Variants in ITGB3 observed in about 807,000 individuals in gnomAD.
ITGB3 encodes integrin subunit beta 3, also known as integrin beta-3.
Under a neutral mutation model 85.8 loss-of-function variants are expected in ITGB3, and 48 were observed. The observed-to-expected ratio is 0.56, with a 90% confidence interval of 0.44 to 0.71. The LOEUF is 0.71. Among genes scored for constraint, ITGB3 ranks in the 30% least tolerant of loss-of-function variants. The probability of loss-of-function intolerance (pLI) is 0.00; values close to 1 mark genes in which losing one functional copy is unlikely to be tolerated. For missense variants in ITGB3, 861 were observed against 1,019.1 expected, an observed-to-expected ratio of 0.84 and a Z score of 2.11; for synonymous variants, 363 against 395.6, an observed-to-expected ratio of 0.92 and a Z score of 0.98.
intron 6 of ITGB3, 60 bp downstream of exon 6, chr17:47,287,291 A>G: frequency 1.3e-6 from 2 of 1,588,900 alleles, no homozygotes; most frequent in Admixed American, 1.7e-5. Context: ...GCCCTAATCT[A>G]GGCAGAGTCT....
At chr17:47,270,912 T>C (rs1388315316) in intron 1 of ITGB3, among the ~76,000 whole-genome samples, 1 of 152,136 alleles carries the variant, frequency 6.6e-6, no homozygotes, top group African/African-American at 2.4e-5. Context: ...CATTTACATG[T>C]TTTATATTGG....
At position 47,287,068 on chromosome 17, in the gene ITGB3, A is replaced by G. The variant is rs749261962; in HGVS notation, c.778-2A>G. The G allele has an allele frequency of 1.2e-6, 2 of 1,613,732 alleles. No individual in the cohort carries two copies. Among genetic ancestry groups the G allele is most frequent in the East Asian group, 4.5e-5 (2 of 44,896 alleles). On this transcript the variant is annotated splice_acceptor_variant, in intron 5 of 14. Coordinates refer to ENST00000559488, the MANE Select transcript of ITGB3 (RefSeq NM_000212.3). LOFTEE classifies it high-confidence loss of function. Reference sequence around the variant, plus strand: ...CCTTTGTTTTTTGTTTTCTTTTAACAGGAAAAGATTGGCTGGAGGAATGAT... The same window carrying G: ...CCTTTGTTTTTTGTTTTCTTTTAACGGGAAAAGATTGGCTGGAGGAATGAT...
rs116200688 is a variant in ITGB3, at chr17:47,255,716, G to T, written c.79+1776G>T. Among the ~76,000 whole-genome samples, 174 of 152,282 alleles carry T rather than the reference G, an allele frequency of 1.1e-3. 1 individual carries two copies. The highest frequency in any genetic ancestry group is 4.0e-3 in the African/African-American group (168 of 41,562). On this transcript the variant is annotated intron_variant, in intron 1 of 14. Transcript: ENST00000559488. ...ATTACAGGCGTGAGCCACCGCACCC[G>T]GCCAAGGGTATCTTGAAGGAGGGAT... is the stretch of plus-strand genomic sequence containing the variant.
intron 1 of ITGB3, among the ~76,000 whole-genome samples, chr17:47,264,859 G>C (rs2065020165): frequency 6.6e-6 from 1 of 151,946 alleles, no homozygotes; most frequent in Non-Finnish European, 1.5e-5. Context: ...TCCCCTTATT[G>C]CTTGTTATTC....
chr17:47,293,387 C>T (rs985243082), intron 10 of ITGB3, among the ~76,000 whole-genome samples: 4 of 152,186 alleles, frequency 2.6e-5, no homozygotes, highest in East Asian at 1.9e-4. Flanking sequence ...AGTCTTTATC[C>T]GCAGACATGT....
chr17:47,283,261 C>A, intron 2 of ITGB3, 93 bp from the exon 3 acceptor site: 1 of 1,195,582 alleles, frequency 8.4e-7, no homozygotes, highest in Non-Finnish European at 1.2e-6. Context: ...ACGGGGTAAA[C>A]TCTTAGCTAT....
At chr17:47,302,131 G>C (rs2065169545) in intron 12 of ITGB3, among the ~76,000 whole-genome samples, 1 of 152,158 alleles carries the variant, frequency 6.6e-6, no homozygotes, top group Admixed American at 6.6e-5. Flanking sequence ...TTTAGAATTA[G>C]AAGAGATGAA....
At chr17:47,307,708 T>A (rs948652583) in intron 14 of ITGB3, 71 bp downstream of exon 14, 13 of 1,453,092 alleles carry the variant, frequency 8.9e-6, no homozygotes, top group Non-Finnish European at 1.2e-5. Flanking sequence ...GCAGATGCTT[T>A]GGGTGGTCAT....
chr17:47,287,370 T>C (rs545426533), intron 6 of ITGB3, 139 bp downstream of exon 6: 1 of 854,374 alleles, frequency 1.2e-6, no homozygotes, highest in East Asian at 2.6e-5. Context: ...CTTGCCCCTA[T>C]CCCTTACCAA....
intron 6 of ITGB3, among the ~76,000 whole-genome samples, chr17:47,288,916 G>A (rs1320907225): frequency 6.6e-6 from 1 of 152,224 alleles, no homozygotes; most frequent in East Asian, 1.9e-4. Flanking sequence ...AGGGAGGAAA[G>A]GTCATCATGA....
rs142124928 is a variant in ITGB3 at position 47,307,004 on chromosome 17, C to A, written c.2135-467C>A. ...TTTTTATTTTTAATTTTTTAAAAAA[C>A]TTTTATTTTTGCTTTAGGGGTACAT... On this transcript the variant is annotated intron_variant, in intron 13 of 14. Transcript: ENST00000559488. Among the ~76,000 whole-genome samples, 106 of 152,140 alleles carry A rather than the reference C, an allele frequency of 7.0e-4. 4 individuals are homozygous for A. The East Asian group carries it at 0.02, about 29-fold the overall frequency.
At chr17:47,281,393 A>G (rs1183101728) in intron 2 of ITGB3, among the ~76,000 whole-genome samples, 1 of 152,194 alleles carries the variant, frequency 6.6e-6, no homozygotes, top group Admixed American at 6.5e-5. Flanking sequence ...AGTGTTGGCT[A>G]AATTGGCTGA....
intron 14 of ITGB3, 27 bp from the exon 15 acceptor site, chr17:47,310,112 T>C: frequency 1.9e-6 from 3 of 1,606,786 alleles, no homozygotes; most frequent in Non-Finnish European, 2.6e-6. Flanking sequence ...GAAGTCACTG[T>C]AAGATGCTAT....
At position 47,311,003 on chromosome 17, in the gene ITGB3, GT is replaced by G; in HGVS notation, c.*802del. 1 of 154,462 alleles carries G rather than the reference GT, an allele frequency of 6.5e-6. No individual in the cohort carries two copies. The highest frequency in any genetic ancestry group is 1.4e-5 in the Non-Finnish European group (1 of 69,242). The allele number at this position is 154,462 out of a possible 1,614,324, so 9.6% of individuals were successfully genotyped here. On this transcript the variant is annotated 3_prime_UTR_variant, in exon 15 of 15. Coordinates refer to ENST00000559488, the MANE Select transcript of ITGB3 (RefSeq NM_000212.3). Reference sequence around the variant, plus strand: ...ATTGGCAGCTCTACTCTGGAGGTTTGTTTAGAAGAAGTGTGTCACCCTTAGG... The same window carrying G: ...ATTGGCAGCTCTACTCTGGAGGTTTGTTAGAAGAAGTGTGTCACCCTTAGG...
At chr17:47,293,731 C>T (rs965094335) in intron 10 of ITGB3, among the ~76,000 whole-genome samples, 8 of 152,152 alleles carry the variant, frequency 5.3e-5, no homozygotes, top group Non-Finnish European at 1.2e-4. Flanking sequence ...CCTCAGCCTC[C>T]CGAGTAGTTG....
At chr17:47,300,330 T>C (rs1164526509) in intron 11 of ITGB3, 148 bp from the exon 12 acceptor site, 1 of 568,906 alleles carries the variant, frequency 1.8e-6, no homozygotes, top group Non-Finnish European at 3.1e-6. Context: ...AGGATTGTCT[T>C]ACAGGCGCGC....
chr17:47,263,951 G>A (rs974880390), intron 1 of ITGB3, among the ~76,000 whole-genome samples: 11 of 152,206 alleles, frequency 7.2e-5, no homozygotes, highest in Admixed American at 3.3e-4. Flanking sequence ...TGGGAGGAAA[G>A]ACTTTATTCC....
chr17:47,299,476 A>T lies in ITGB3; in HGVS notation c.1859A>T (p.Tyr620Phe), dbSNP rs1598698520. 6.2e-7 allele frequency: 1 copy of T among 1,614,210 alleles called. No homozygotes were observed. Among genetic ancestry groups the T allele is most frequent in the Non-Finnish European group, 8.5e-7 (1 of 1,180,036 alleles). The change falls in exon 11 of 15, where the codon TAT becomes TTT. Residue 620 changes from tyrosine to phenylalanine, a missense_variant. By Grantham distance (22) the Tyr-to-Phe change is conservative. Coordinates refer to ENST00000559488, the MANE Select transcript of ITGB3 (RefSeq NM_000212.3). The surrounding 1 kb of genome is among the most constrained non-coding windows in gnomAD (Gnocchi z 5.1). ...GSCVCIQPGS[Y>F]GDTCEKCPTC... Reference sequence around the variant, plus strand: ...TGTGTCTGTATCCAGCCGGGCTCCTATGGGGACACCTGTGAGAAGTGCCCC... The same window carrying T: ...TGTGTCTGTATCCAGCCGGGCTCCTTTGGGGACACCTGTGAGAAGTGCCCC...
chr17:47,293,768 C>T (rs1046535534), intron 10 of ITGB3, among the ~76,000 whole-genome samples: 3 of 152,122 alleles, frequency 2.0e-5, no homozygotes, highest in Non-Finnish European at 2.9e-5. Context: ...CCACGATGCC[C>T]AGCTAATTTT....
Sources: gnomAD v4.1 joint callset for allele counts (sites outside exome capture counted in the v4.1 genomes callset) on GRCh38, gnomAD v4.1.1 for gene constraint, Gnocchi (gnomAD v3.1) non-coding constraint, MANE v1.5 for transcripts, NCBI Gene and HGNC (gene_info 2026-07-23, HGNC 2026-07-21) for gene names.